The following TEDC1 variants were observed in gnomAD, a reference collection of about 807,000 sequenced individuals.
TEDC1 encodes the protein tubulin epsilon and delta complex 1, also known as tubulin epsilon and delta complex protein 1.
TEDC1 carries 54 observed loss-of-function variants against 59.9 expected under a neutral mutation model. The ratio of observed to expected loss-of-function variants is 0.90; its 90% CI spans 0.72 to 1.13. TEDC1 has a LOEUF of 1.13. TEDC1 is among the 50% of genes most tolerant of loss of function. The pLI is 0.00. For synonymous variants in TEDC1, 353 were observed against 298.1 expected (o/e 1.18, Z -1.90); for missense variants, 734 against 683.4 (o/e 1.07, Z -0.83).
intron 7 of TEDC1, 77 bp downstream of exon 7, chr14:105,497,520 G>C: frequency 1.3e-6 from 2 of 1,491,886 alleles, no homozygotes; most frequent in Non-Finnish European, 9.0e-7. Context: ...GGATCTTCCT[G>C]TTTTCCAGAC....
At chr14:105,498,541 G>A in intron 8 of TEDC1, 76 bp from the exon 9 acceptor site, 1 of 1,418,772 alleles carries the variant, frequency 7.0e-7, no homozygotes, top group Non-Finnish European at 9.4e-7. Context: ...ACCTGAGTCT[G>A]GGCTCAGGGA....
Position 105,492,677 on chromosome 14 carries a change from G to T in TEDC1, c.528G>T (p.Arg176=). The stretch of plus-strand genomic sequence containing the variant: ...TGCAGTGGCTGATGGGAAAGCTGCG[G>T]TTCCGGTGGCGCCAGCTGGTGTCCA... ...RHVQWLMGKL[R]FRWRQLVSSQ... Residue 176 remains arginine (R), a synonymous_variant, in exon 4 of 9, where the codon CGG becomes CGT. Coordinates refer to ENST00000392523, the MANE Select transcript of TEDC1 (RefSeq NM_001367178.1). The T allele has an allele frequency of 6.5e-7, 1 of 1,544,970 alleles. No homozygotes were observed. The highest frequency in any genetic ancestry group is 8.7e-7 in the Non-Finnish European group (1 of 1,146,902).
At chr14:105,495,761 C>T in intron 5 of TEDC1, 119 bp from the exon 6 acceptor site, 2 of 855,662 alleles carry the variant, frequency 2.3e-6, no homozygotes, top group South Asian at 3.5e-5. Context: ...CCCAGTGCCT[C>T]TGTGGGACCA....
At position 105,498,791 on chromosome 14, in the gene TEDC1, G is replaced by T. The variant is rs1555441073; in HGVS notation, c.1333G>T (p.Asp445Tyr). 1.3e-6 allele frequency: 2 copies of T among 1,584,016 alleles called. No homozygotes were observed. The highest frequency in any genetic ancestry group is 1.8e-5 in the Admixed American group (1 of 54,430). The stretch of plus-strand genomic sequence containing the variant: ...AGAGGATGGGGCAGCAGGGGACCGG[G>T]ACCTGCGGGCAGCTGTGGTGATCAG... ...RREDGAAGDR[D>Y]LRAAVVIRTL... Residue 445 changes from aspartate to tyrosine, a missense_variant, in exon 9 of 9, where the codon GAC becomes TAC. Transcript: ENST00000392523.
At chr14:105,490,176 A>C (rs1595467224), upstream of TEDC1, 1 of 118,092 alleles carries the variant, frequency 8.5e-6, no homozygotes, top group African/African-American at 4.6e-5. Context: ...GGGGGCCCCG[A>C]GGCGGGGCCG....
intron 4 of TEDC1, 97 bp from the exon 5 acceptor site, chr14:105,493,738 G>A (rs1555439935): frequency 3.7e-6 from 3 of 806,516 alleles, no homozygotes; most frequent in Non-Finnish European, 6.1e-6. Flanking sequence ...TCTGGGAGGT[G>A]GGCTCTGATG....
upstream of TEDC1, chr14:105,490,781 T>C (rs1442587636): frequency 3.8e-6 from 2 of 521,636 alleles, no homozygotes; most frequent in African/African-American, 2.0e-5. Context: ...GGCGGCGCGA[T>C]GGGGCGAGGC....
intron 6 of TEDC1, 185 bp from the exon 7 acceptor site, chr14:105,497,172 C>T: frequency 1.5e-6 from 1 of 675,180 alleles, no homozygotes; most frequent in South Asian, 1.6e-5. Flanking sequence ...GGCGTCCGCA[C>T]CACACCAGGG....
chr14:105,493,781 T>G, intron 4 of TEDC1, 54 bp from the exon 5 acceptor site: 34 of 1,263,436 alleles, frequency 2.7e-5, no homozygotes, highest in Non-Finnish European at 3.1e-5. Flanking sequence ...AGACTCAGCG[T>G]TGGGGGAGGT....
Position 105,498,936 on chromosome 14 carries a change from C to T in TEDC1, c.1478C>T (p.Pro493Leu). The T allele has an allele frequency of 6.2e-7, 1 of 1,603,588 alleles. No individual in the cohort carries two copies. The highest frequency in any genetic ancestry group is 8.5e-7 in the Non-Finnish European group (1 of 1,174,972). ...CCTGGTCTCATCTGGATCCCGCCAC[C>T]TGGACGCTGAGGGCCTGTCGACGGG... Reference protein sequence around the residue: ...ARPGLIWIPPPGR With the variant: ...ARPGLIWIPPLGR The change falls in exon 9 of 9, where the codon CCT becomes CTT. Residue 493 changes from proline to leucine, a missense_variant. Pro to Leu is a moderately conservative substitution (Grantham distance 98). Coordinates refer to ENST00000392523, the MANE Select transcript of TEDC1 (RefSeq NM_001367178.1).
At chr14:105,492,079 C>T (rs1429432192) in intron 2 of TEDC1, 28 bp from the exon 3 acceptor site, 1 of 1,562,762 alleles carries the variant, frequency 6.4e-7, no homozygotes, top group Non-Finnish European at 8.7e-7. Flanking sequence ...GTGGGTGGTC[C>T]CCCTAAGGTG....
Position 105,496,022 on chromosome 14 carries a change from A to G in TEDC1, c.827A>G (p.Asp276Gly). Residue 276 changes from aspartate (D) to glycine (G), a missense_variant, in exon 6 of 9, where the codon GAC becomes GGC. Asp to Gly is a moderately conservative substitution (Grantham distance 94, BLOSUM62 -1). Transcript: ENST00000392523. Reference protein sequence around the residue: ...VCEQPGLLPGDWAAPLDPGGA... With the variant: ...VCEQPGLLPGGWAAPLDPGGA... ...GAGCAGCCAGGTCTGCTGCCGGGTGACTGGGCAGCACCCTTGGATCCTGGT... is the reference window on the plus strand; with the variant it reads ...GAGCAGCCAGGTCTGCTGCCGGGTGGCTGGGCAGCACCCTTGGATCCTGGT... 6.5e-7 allele frequency: 1 copy of G among 1,550,144 alleles called. No homozygotes were observed. The highest frequency in any genetic ancestry group is 8.7e-7 in the Non-Finnish European group (1 of 1,146,908).
chr14:105,494,000 A>C, intron 5 of TEDC1, 67 bp downstream of exon 5: 10 of 114,518 alleles, frequency 8.7e-5, no homozygotes, highest in East Asian at 2.2e-4. Flanking sequence ...GGGACTGCCC[A>C]GGGTGGGAGG....
chr14:105,497,849 C>G lies in TEDC1; in HGVS notation c.1030C>G (p.Pro344Ala), dbSNP rs140430062. Residue 344 changes from proline (P) to alanine (A), a missense_variant, in exon 8 of 9, where the codon CCC (proline) becomes GCC (alanine). Transcript: ENST00000392523. ...GGAGGTGCCTGCTGCAGCCTCACAG[C>G]CCACCTTCCTGCCCTGGGTCCCCGA... ...APEVPAAASQPTFLPWVPERG... is the reference protein window; with the variant it reads ...APEVPAAASQATFLPWVPERG... 2.0e-5 allele frequency: 32 copies of G among 1,571,412 alleles called. No homozygotes were observed. The African/African-American group carries it at 3.9e-4, about 19-fold the overall frequency.
intron 6 of TEDC1, 60 bp downstream of exon 6, chr14:105,496,146 G>GGGGGGGGGGCCCCC: frequency 3.0e-6 from 1 of 331,608 alleles, no homozygotes; most frequent in Non-Finnish European, 5.9e-6. Context: ...GGGTGGGAGG[G>GGGGGGGGGGCCCCC]GGTGGCGAGG....
chr14:105,494,154 C>T, intron 5 of TEDC1: 1 of 584,958 alleles, frequency 1.7e-6, no homozygotes, highest in Non-Finnish European at 3.1e-6. Context: ...TTCCACAAAT[C>T]AAGACGTGGC....
intron 5 of TEDC1, chr14:105,495,567 G>A (rs1555440283): frequency 2.3e-5 from 7 of 308,036 alleles, no homozygotes; most frequent in South Asian, 1.1e-4. Flanking sequence ...GGCTGAAGCC[G>A]GGCTGGCGCC....
rs74091210 is a variant in TEDC1, at chr14:105,499,195, G to A, written c.*249G>A. 0.034 allele frequency: 19,451 copies of A among 566,772 alleles called. 2,314 individuals are homozygous for A. The highest frequency in any genetic ancestry group is 0.29 in the African/African-American group (15,300 of 53,042). 35.1% of individuals were successfully genotyped at this position (566,772 alleles called of 1,614,324 possible). On this transcript the variant is annotated 3_prime_UTR_variant, in exon 9 of 9. Transcript: ENST00000392523. Reference sequence around the variant, plus strand: ...ACAGGCTCAGCCTGGTGGTCTGGAGGGGACTCGGAAATAAATTGTAGCAGC... The same window carrying A: ...ACAGGCTCAGCCTGGTGGTCTGGAGAGGACTCGGAAATAAATTGTAGCAGC...
chr14:105,499,183 G>C lies in TEDC1; in HGVS notation c.*237G>C, dbSNP rs587672256. ...GAGGAGGTCGTGACAGGCTCAGCCT[G>C]GTGGTCTGGAGGGGACTCGGAAATA... On this transcript the variant is annotated 3_prime_UTR_variant, in exon 9 of 9. Coordinates refer to ENST00000392523, the MANE Select transcript of TEDC1 (RefSeq NM_001367178.1). 8.6e-6 allele frequency: 5 copies of C among 581,338 alleles called. No individual in the cohort carries two copies. The South Asian group carries it at 1.1e-4, about 13-fold the overall frequency. 36.0% of individuals were successfully genotyped at this position (581,338 alleles called of 1,614,324 possible).
Sources: allele counts gnomAD v4.1 joint callset, GRCh38; gene constraint gnomAD v4.1.1; transcripts MANE v1.5; gene names NCBI Gene and HGNC (gene_info 2026-07-23, HGNC 2026-07-21).